Variants in SLC4A9 observed in about 807,000 individuals in gnomAD.
The protein encoded by SLC4A9 is anion exchange protein 4.
Under a neutral mutation model 103.2 loss-of-function variants are expected in SLC4A9, and 102 were observed. The ratio of observed to expected loss-of-function variants is 0.99; its 90% CI spans 0.84 to 1.17. SLC4A9 has a LOEUF of 1.17. Among genes scored for constraint, SLC4A9 ranks in the 50% most tolerant of loss-of-function variants. The pLI, the probability that SLC4A9 is intolerant of heterozygous loss-of-function variation, is 0.00. For missense variants in SLC4A9, 1,091 were observed against 1,193.7 expected, an observed-to-expected ratio of 0.91 and a Z score of 1.27; for synonymous variants, 453 against 483.6, an observed-to-expected ratio of 0.94 and a Z score of 0.83.
In SLC4A9 at chr5:140,367,739, T is replaced by G; in HGVS notation, c.2195T>G (p.Leu732Arg). ...YRLQKGAGFH[L>R]DLFCVAVLML... is the part of the protein sequence containing the mutation. ...CTGCAGAAGGGAGCTGGCTTCCACC[T>G]GGACCTCTTCTGTGTGGCTGTGCTG... Residue 732 changes from leucine (L) to arginine (R), a missense_variant, in exon 16 of 22, where the codon CTG becomes CGG. By Grantham distance (102) the Leu-to-Arg change is moderately radical. Coordinates refer to ENST00000506757, the MANE Select transcript of SLC4A9 (RefSeq NM_031467.3). 6.2e-7 allele frequency: 1 copy of G among 1,614,012 alleles called. No homozygotes were observed. The highest frequency in any genetic ancestry group is 1.7e-5 in the Admixed American group (1 of 60,020).
In SLC4A9 at chr5:140,360,327, C is replaced by G; in HGVS notation, c.91C>G (p.Pro31Ala). 2 of 1,612,074 alleles carry G rather than the reference C, an allele frequency of 1.2e-6. No homozygotes were observed. The highest frequency in any genetic ancestry group is 1.7e-6 in the Non-Finnish European group (2 of 1,179,102). Residue 31 changes from proline (P) to alanine (A), a missense_variant, in exon 1 of 22, where the codon CCT (proline) becomes GCT (alanine). Transcript: ENST00000506757. The part of the protein sequence containing the change: ...PSGELDSNPD[P>A]GTGPSPDGPS... ...AGGGGAGCTGGACAGCAACCCTGAC[C>G]CTGGCACCGGCCCCAGCCCTGATGG...
At position 140,367,793 on chromosome 5, in the gene SLC4A9, C is replaced by G; in HGVS notation, c.2249C>G (p.Pro750Arg). The change falls in exon 16 of 22, where the codon CCT (proline) becomes CGT (arginine). Residue 750 changes from proline to arginine, a missense_variant. Pro to Arg is a moderately radical substitution (Grantham distance 103). Coordinates refer to ENST00000506757, the MANE Select transcript of SLC4A9 (RefSeq NM_031467.3). ...LMLLTSALGL[P>R]WYVSATVISL... ...CTACTCACATCAGCGCTTGGACTGC[C>G]TTGGTATGTCTCAGCCACTGTCATC... 6.2e-7 allele frequency: 1 copy of G among 1,613,970 alleles called. No individual in the cohort carries two copies. Among genetic ancestry groups the G allele is most frequent in the Non-Finnish European group, 8.5e-7 (1 of 1,179,880 alleles).
chr5:140,361,364 T>G lies in SLC4A9; in HGVS notation c.502T>G (p.Trp168Gly), dbSNP rs1767056948. ...YNQTTGTRPC[W>G]GSTHPRKASD... is the part of the protein sequence containing the mutation. Reference sequence around the variant, plus strand: ...CCAGACCACAGGCACCAGGCCCTGCTGGGGTGAGAGCCCCTCCCTGGGCCC... The same window carrying G: ...CCAGACCACAGGCACCAGGCCCTGCGGGGGTGAGAGCCCCTCCCTGGGCCC... The change falls in exon 3 of 22, where the codon TGG becomes GGG. Residue 168 changes from tryptophan to glycine, a missense_variant. Trp to Gly is a radical substitution (Grantham distance 184). Coordinates refer to ENST00000506757, the MANE Select transcript of SLC4A9 (RefSeq NM_031467.3). 5 of 1,553,398 alleles carry G rather than the reference T, an allele frequency of 3.2e-6. No individual in the cohort carries two copies. The highest frequency in any genetic ancestry group is 2.0e-5 in the Admixed American group (1 of 51,122).
chr5:140,371,889 G>A (rs1290156371), intron 19 of SLC4A9, among the ~76,000 whole-genome samples: 5 of 152,214 alleles, frequency 3.3e-5, no homozygotes, highest in African/African-American at 9.7e-5. Flanking sequence ...AGAAATCTGA[G>A]GTCTTGGTAG....
rs1358171095 is a variant in SLC4A9 at position 140,365,944 on chromosome 5, C to T, written c.1821C>T (p.Ser607=). 1 of 1,613,930 alleles carries T rather than the reference C, an allele frequency of 6.2e-7. No individual in the cohort carries two copies. Among genetic ancestry groups the T allele is most frequent in the African/African-American group, 1.3e-5 (1 of 74,936 alleles). Residue 607 remains serine, a synonymous_variant, in exon 13 of 22, where the codon TCC becomes TCT. Coordinates refer to ENST00000506757, the MANE Select transcript of SLC4A9 (RefSeq NM_031467.3). ...CAGTCCCAGACATTGCCTTCTTCTC[C>T]CTTCTCCTCTTCCTTACTTCTTTCT... ...CHTVPDIAFF[S]LLLFLTSFFF...
chr5:140,364,692 C>T, intron 11 of SLC4A9, 67 bp downstream of exon 11: 1 of 1,535,590 alleles, frequency 6.5e-7, no homozygotes, highest in Non-Finnish European at 8.8e-7. Context: ...GGGCTGCACC[C>T]TTACTATCCC....
rs748813812 is a variant in SLC4A9, at chr5:140,365,903, G to A, written c.1780G>A (p.Gly594Ser). ...CACCCGGCAGGGAGGCCACCCTCGT[G>A]GCCCTGGCTGTCATACAGTCCCAGA... ...ECTRQGGHPR[G>S]PGCHTVPDIA... The change falls in exon 13 of 22, where the codon GGC becomes AGC. Residue 594 changes from glycine (G) to serine (S), a missense_variant. Gly to Ser is a moderately conservative substitution (Grantham distance 56, BLOSUM62 0). Transcript: ENST00000506757. The A allele has an allele frequency of 1.2e-5, 20 of 1,613,874 alleles. No homozygotes were observed. The highest frequency in any genetic ancestry group is 2.5e-6 in the Non-Finnish European group (3 of 1,179,892).
chr5:140,363,640 G>T lies in SLC4A9; in HGVS notation c.1079+85G>T. 1 of 1,579,020 alleles carries T rather than the reference G, an allele frequency of 6.3e-7. No homozygotes were observed. Among genetic ancestry groups the T allele is most frequent in the East Asian group, 2.3e-5 (1 of 43,468 alleles). ...GAAACTGAGGTGTGTGCTCACTGTG[G>T]GAGGGGCTCACCCGGTCACAGGGAA... On this transcript the variant is annotated intron_variant, in intron 8 of 21. Transcript: ENST00000506757. The surrounding 1 kb of genome is among the most constrained non-coding windows in gnomAD (Gnocchi z 4.5).
chr5:140,360,946 C>A lies in SLC4A9; in HGVS notation c.365C>A (p.Pro122Gln). Residue 122 changes from proline to glutamine, a missense_variant, in exon 2 of 22, where the codon CCA becomes CAA. Transcript: ENST00000506757. ...LAEGLVLLDCPAQSLLELVEQ... is the reference protein window; with the variant it reads ...LAEGLVLLDCQAQSLLELVEQ... ...GAGGGCCTTGTACTGCTGGACTGCC[C>A]AGCTCAGAGCCTCCTGGAGCTCGTG... 1 of 1,593,416 alleles carries A rather than the reference C, an allele frequency of 6.3e-7. No homozygotes were observed. The highest frequency in any genetic ancestry group is 2.3e-5 in the East Asian group (1 of 44,140).
chr5:140,364,965 A>T (rs1767667309), intron 11 of SLC4A9, among the ~76,000 whole-genome samples: 2 of 152,320 alleles, frequency 1.3e-5, no homozygotes, highest in South Asian at 4.1e-4. Context: ...AGAGCTAAAT[A>T]CATACATCAA....
rs757699274 is a variant in SLC4A9, at chr5:140,361,376, C to G, written c.505+9C>G. On this transcript the variant is annotated intron_variant, in intron 3 of 21. Coordinates refer to ENST00000506757, the MANE Select transcript of SLC4A9 (RefSeq NM_031467.3). ...CACCAGGCCCTGCTGGGGTGAGAGC[C>G]CCTCCCTGGGCCCAGGACCAAGACC... is the stretch of plus-strand genomic sequence containing the variant. The G allele has an allele frequency of 3.9e-6, 6 of 1,549,588 alleles. No homozygotes were observed. Among genetic ancestry groups the G allele is most frequent in the Non-Finnish European group, 4.4e-6 (5 of 1,145,120 alleles).
At chr5:140,374,765 A>G (rs746237679) in intron 21 of SLC4A9, 62 bp from the exon 22 acceptor site, 3 of 152,262 alleles carry the variant, frequency 2.0e-5, no homozygotes, top group East Asian at 3.9e-4. Flanking sequence ...CATGTCTTCT[A>G]TTAGTTCACA....
Position 140,372,523 on chromosome 5 carries a change from AT to A in SLC4A9, c.2826+127del. 5 of 1,497,720 alleles carry A rather than the reference AT, an allele frequency of 3.3e-6. No homozygotes were observed. The South Asian group carries it at 6.7e-5, about 20-fold the overall frequency. The allele number at this position is 1,497,720 out of a possible 1,614,324, so 92.8% of individuals were successfully genotyped here. On this transcript the variant is annotated intron_variant, in intron 20 of 21. Transcript: ENST00000506757. ...GATCTGATCAACAGTCACTTCCCTT[AT>A]CTGTGTATGGACATAGGCAGACTGA...
chr5:140,372,282 T>A lies in SLC4A9; in HGVS notation c.2711T>A (p.Val904Asp). 6.3e-7 allele frequency: 1 copy of A among 1,597,250 alleles called. No homozygotes were observed. Among genetic ancestry groups the A allele is most frequent in the Non-Finnish European group, 8.5e-7 (1 of 1,175,074 alleles). Reference protein sequence around the residue: ...LVGVRKALERVFSPQELLWLD... With the variant: ...LVGVRKALERDFSPQELLWLD... ...GGGGTCCGAAAGGCCCTGGAGAGGG[T>A]CTTCTCACCACAGGAACTCCTCTGG... The change falls in exon 20 of 22, where the codon GTC becomes GAC. Residue 904 changes from valine (V) to aspartate (D), a missense_variant. By Grantham distance (152) the Val-to-Asp change is radical (BLOSUM62 -3). Transcript: ENST00000506757.
chr5:140,372,465 C>T (rs1248061479), intron 20 of SLC4A9, 68 bp downstream of exon 20: 25 of 1,577,790 alleles, frequency 1.6e-5, no homozygotes, highest in Non-Finnish European at 2.0e-5. Flanking sequence ...TGTCCAGGAG[C>T]TGTCCCTAAA....
chr5:140,361,752 G>C, intron 3 of SLC4A9, 56 bp from the exon 4 acceptor site: 1 of 1,592,270 alleles, frequency 6.3e-7, no homozygotes. Flanking sequence ...AGGGAATCCT[G>C]GTGGATCCAC....
At position 140,363,107 on chromosome 5, in the gene SLC4A9, T is replaced by TA. The variant is rs139575392; in HGVS notation, c.962+42dup. The TA allele has an allele frequency of 1.2e-4, 187 of 1,598,642 alleles. No individual in the cohort carries two copies. The African/African-American group carries it at 2.3e-3, about 20-fold the overall frequency. On this transcript the variant is annotated intron_variant, in intron 7 of 21. Coordinates refer to ENST00000506757, the MANE Select transcript of SLC4A9 (RefSeq NM_031467.3). This position sits in a 1 kb window ranked among gnomAD's most constrained non-coding sequence, Gnocchi z 4.5. ...CATCCCATACAGATTCCTGCCCATA[T>TA]AGGCCCTGGGTCTAATTCCATTGTT...
rs765838100 is a variant in SLC4A9 at position 140,363,878 on chromosome 5, G to A, written c.1230G>A (p.Leu410=). 6.2e-7 allele frequency: 1 copy of A among 1,613,928 alleles called. No individual in the cohort carries two copies. The highest frequency in any genetic ancestry group is 1.7e-5 in the Admixed American group (1 of 60,022). ...VTNAITFGGL[L]GDATDGAQGV... ...ATGCCATCACTTTTGGGGGTCTGCT[G>A]GGAGATGCCACTGATGGTGCCCAGG... The change falls in exon 9 of 22, where the codon CTG becomes CTA. Residue 410 remains leucine, a synonymous_variant. Transcript: ENST00000506757. The surrounding 1 kb of genome is among the most constrained non-coding windows in gnomAD (Gnocchi z 4.5).
chr5:140,362,322 G>A (rs1407235600), intron 5 of SLC4A9, 123 bp from the exon 6 acceptor site: 3 of 1,238,428 alleles, frequency 2.4e-6, no homozygotes, highest in Non-Finnish European at 2.3e-6. Flanking sequence ...GGTCAGGGCT[G>A]CATGGTAGGT....
Sources: gnomAD v4.1 joint callset for allele counts (sites outside exome capture counted in the v4.1 genomes callset) on GRCh38, gnomAD v4.1.1 for gene constraint, Gnocchi (gnomAD v3.1) non-coding constraint, MANE v1.5 for transcripts, NCBI Gene and HGNC (gene_info 2026-07-23, HGNC 2026-07-21) for gene names.